The following USH2A variants were observed in gnomAD, a reference collection of about 807,000 sequenced individuals.
USH2A encodes the protein Usher syndrome 2A (autosomal recessive, mild).
Under a neutral mutation model 538.9 loss-of-function variants are expected in USH2A, and 443 were observed. The ratio of observed to expected loss-of-function variants is 0.82; its 90% CI spans 0.76 to 0.89. The LOEUF (loss-of-function observed/expected upper bound fraction) is 0.89. Among genes scored for constraint, USH2A ranks in the 40% least tolerant of loss-of-function variants. USH2A has a pLI of 0.00. For synonymous variants in USH2A, 2,413 were observed against 2,273.5 expected (o/e 1.06, Z -1.75); for missense variants, 6,633 against 6,324.8 (o/e 1.05, Z -1.65).
At chr1:216,381,881 G>A (rs934710866) in intron 3 of USH2A, among the ~76,000 whole-genome samples, 13 of 152,098 alleles carry the variant, frequency 8.5e-5, no homozygotes, top group Non-Finnish European at 1.3e-4. Context: ...ACAAAAAGTC[G>A]GCCCTGTGCA....
intron 21 of USH2A, among the ~76,000 whole-genome samples, chr1:216,144,571 G>T (rs1298699727): frequency 6.6e-6 from 1 of 152,128 alleles, no homozygotes; most frequent in Admixed American, 6.6e-5. Context: ...AAGGCTCTAA[G>T]CTATAAAATA....
chr1:216,383,846 T>C (rs891012947), intron 3 of USH2A, among the ~76,000 whole-genome samples: 7 of 148,894 alleles, frequency 4.7e-5, no homozygotes, highest in South Asian at 2.1e-4. Flanking sequence ...GGCTAATTTT[T>C]TTTCTTTCTT....
intron 11 of USH2A, among the ~76,000 whole-genome samples, chr1:216,264,300 C>A (rs2036429301): frequency 6.6e-6 from 1 of 151,466 alleles, no homozygotes; most frequent in African/African-American, 2.4e-5. Context: ...ATAGACAAAG[C>A]AATTTTTTTT....
intron 6 of USH2A, 135 bp downstream of exon 6, chr1:216,325,170 C>G (rs1309981279): frequency 4.8e-6 from 5 of 1,047,888 alleles, no homozygotes; most frequent in African/African-American, 1.6e-5. Context: ...GTAGCCCTGC[C>G]AACATGTTGA....
At chr1:215,988,988 G>C (rs1667944235) in intron 35 of USH2A, among the ~76,000 whole-genome samples, 1 of 152,204 alleles carries the variant, frequency 6.6e-6, no homozygotes, top group South Asian at 2.1e-4. Flanking sequence ...GTCAGAATCA[G>C]TTATGACAAG....
At chr1:216,378,975 G>A (rs551524979) in intron 3 of USH2A, among the ~76,000 whole-genome samples, 1 of 152,172 alleles carries the variant, frequency 6.6e-6, no homozygotes, top group Admixed American at 6.5e-5. Flanking sequence ...TGGGGCAAAG[G>A]CAGGTATGCA....
chr1:216,242,068 T>G (rs980630583), intron 13 of USH2A, among the ~76,000 whole-genome samples: 13 of 152,168 alleles, frequency 8.5e-5, no homozygotes, highest in Admixed American at 7.9e-4. Context: ...GATTACCTTA[T>G]TCAACTTGCA....
chr1:215,740,878 C>G lies in USH2A; in HGVS notation c.11711+497G>C, dbSNP rs57986259. Among the ~76,000 whole-genome samples, 774 of 152,236 alleles carry G rather than the reference C, an allele frequency of 5.1e-3. 8 individuals are homozygous for G. Among genetic ancestry groups the G allele is most frequent in the African/African-American group, 0.017 (726 of 41,530 alleles). ...TAAGGAAGGCACAACCTAGATCCCCCACATGCGCAGTTCACAATAGGGTTT... is the reference window on the plus strand; with the variant it reads ...TAAGGAAGGCACAACCTAGATCCCCGACATGCGCAGTTCACAATAGGGTTT... On this transcript the variant is annotated intron_variant, in intron 60 of 71. Transcript: ENST00000307340.
intron 37 of USH2A, among the ~76,000 whole-genome samples, chr1:215,938,776 C>G (rs1416133613): frequency 6.6e-6 from 1 of 152,080 alleles, no homozygotes; most frequent in East Asian, 1.9e-4. Flanking sequence ...TGGTCTGAGC[C>G]ATTGGGCTTT....
intron 61 of USH2A, among the ~76,000 whole-genome samples, chr1:215,689,013 T>C (rs1056943895): frequency 1.3e-5 from 2 of 150,766 alleles, no homozygotes. Flanking sequence ...CCAATAGAAT[T>C]ATGATGGATT....
At chr1:216,005,117 C>T in intron 32 of USH2A, among the ~76,000 whole-genome samples, 1 of 152,052 alleles carries the variant, frequency 6.6e-6, no homozygotes, top group East Asian at 1.9e-4. Flanking sequence ...CTATTTTTTT[C>T]ATACACTAGA....
intron 4 of USH2A, among the ~76,000 whole-genome samples, chr1:216,355,310 A>G (rs2038364521): frequency 3.7e-5 from 1 of 27,152 alleles, no homozygotes; most frequent in Non-Finnish European, 1.2e-4. Flanking sequence ...TGCTTCAAAA[A>G]GAAAGAAAGA....
chr1:216,148,442 G>A (rs2033759260), intron 21 of USH2A, among the ~76,000 whole-genome samples: 1 of 151,768 alleles, frequency 6.6e-6, no homozygotes, highest in Non-Finnish European at 1.5e-5. Flanking sequence ...TAACTCACAA[G>A]TATAAGATAC....
rs1491303511 is a variant in USH2A, at chr1:215,836,498, A to ATATTATAT, written c.9371+1492_9371+1493insATATAATA. ...TATATATAATATATATTATATATAT[A>ATATTATAT]ATATATATTATATATATATAATATA... On this transcript the variant is annotated intron_variant, in intron 47 of 71. Transcript: ENST00000307340. 6.2e-4 allele frequency among the ~76,000 whole-genome samples: 11 copies of ATATTATAT among 17,786 alleles called. No homozygotes were observed. In the Admixed American group the frequency reaches 9.3e-3, roughly 15 times the overall value. The allele number at this position is 17,786 out of a possible 152,430, so 11.7% of individuals were successfully genotyped here.
chr1:216,039,153 C>G (rs529675139), intron 32 of USH2A, among the ~76,000 whole-genome samples: 3 of 151,904 alleles, frequency 2.0e-5, no homozygotes, highest in Admixed American at 6.6e-5. Flanking sequence ...TTCATTTGAC[C>G]CTTTGTTGCT....
In USH2A at chr1:216,145,363, G is replaced by A. The variant is rs147889139; in HGVS notation, c.4627+29889C>T. 8.0e-3 allele frequency among the ~76,000 whole-genome samples: 1,223 copies of A among 152,210 alleles called. 18 individuals carry two copies. Among genetic ancestry groups the A allele is most frequent in the African/African-American group, 0.029 (1,189 of 41,514 alleles). ...TCCTTGGGGGATCCAGGGGCAATGC[G>A]GTAAGAAGGGGTAGTCATGTGCTAG... On this transcript the variant is annotated intron_variant, in intron 21 of 71. Coordinates refer to ENST00000307340, the MANE Select transcript of USH2A (RefSeq NM_206933.4).
chr1:216,083,317 A>T, intron 26 of USH2A, 139 bp downstream of exon 26: 2 of 993,006 alleles, frequency 2.0e-6, no homozygotes, highest in East Asian at 5.3e-5. Context: ...CTTCAAAACT[A>T]AAAATGACTG....
chr1:216,149,606 T>A (rs2033792716), intron 21 of USH2A, among the ~76,000 whole-genome samples: 1 of 152,096 alleles, frequency 6.6e-6, no homozygotes, highest in African/African-American at 2.4e-5. Context: ...ATGGACGCAC[T>A]TTCTTGCTTG....
chr1:215,868,789 A>G (rs1343000509), intron 43 of USH2A, among the ~76,000 whole-genome samples: 1 of 152,232 alleles, frequency 6.6e-6, no homozygotes, highest in Non-Finnish European at 1.5e-5. Flanking sequence ...ACAGAAACAG[A>G]AATTGGAGTT....
Sources: allele counts gnomAD v4.1 joint callset (sites outside exome capture counted in the v4.1 genomes callset), GRCh38; gene constraint gnomAD v4.1.1; transcripts MANE v1.5; gene names NCBI Gene and HGNC (gene_info 2026-07-23, HGNC 2026-07-21).